Variants in CROT observed in about 807,000 individuals in gnomAD.
CROT encodes the protein carnitine O-octanoyltransferase.
A neutral mutation model predicts 89.2 loss-of-function variants in CROT; 84 were observed. The observed-to-expected ratio is 0.94, with a 90% CI of 0.79 to 1.13. CROT has a LOEUF of 1.13. Among genes scored for constraint, CROT ranks in the 50% most tolerant of loss-of-function variants. The pLI, the probability that CROT is intolerant of heterozygous loss-of-function variation, is 0.00. For synonymous variants in CROT, 212 were observed against 239.5 expected (o/e 0.89, Z 1.06); for missense variants, 711 against 727.8 (o/e 0.98, Z 0.27).
At chr7:87,392,137 A>T (rs1807381666) in intron 14 of CROT, among the ~76,000 whole-genome samples, 1 of 152,158 alleles carries the variant, frequency 6.6e-6, no homozygotes, top group Non-Finnish European at 1.5e-5. Context: ...TTTTTGAAGC[A>T]TTTAGACAAC....
At chr7:87,381,839 G>A in intron 10 of CROT, 71 bp from the exon 11 acceptor site, 1 of 1,058,476 alleles carries the variant, frequency 9.4e-7, no homozygotes, top group South Asian at 1.5e-5. Flanking sequence ...GACACAAAGT[G>A]AAAATAAAAT....
intron 6 of CROT, among the ~76,000 whole-genome samples, chr7:87,365,845 A>G (rs976138045): frequency 6.6e-6 from 1 of 151,994 alleles, no homozygotes; most frequent in Non-Finnish European, 1.5e-5. Context: ...AGCTCAAGCA[A>G]TCTGCCCGCC....
At chr7:87,364,030 G>A (rs906275574) in intron 6 of CROT, among the ~76,000 whole-genome samples, 8 of 152,200 alleles carry the variant, frequency 5.3e-5, no homozygotes, top group Admixed American at 3.9e-4. Context: ...CATGAGGTGG[G>A]AAATATTGGG....
At chr7:87,347,157 T>G (rs1805710084) in intron 2 of CROT, among the ~76,000 whole-genome samples, 1 of 152,224 alleles carries the variant, frequency 6.6e-6, no homozygotes, top group South Asian at 2.1e-4. Flanking sequence ...ACTCAAGTGA[T>G]TAGATTAGTT....
At chr7:87,348,065 T>C (rs189946044) in intron 2 of CROT, among the ~76,000 whole-genome samples, 10 of 152,366 alleles carry the variant, frequency 6.6e-5, no homozygotes, top group Non-Finnish European at 1.3e-4. Context: ...TTCTGTAACC[T>C]ATGAGTGGAA....
intron 7 of CROT, 30 bp from the exon 8 acceptor site, chr7:87,375,602 T>C: frequency 6.5e-7 from 1 of 1,548,452 alleles, no homozygotes; most frequent in African/African-American, 1.4e-5. Flanking sequence ...GCCTGTACTC[T>C]TTTTTAATCT....
At chr7:87,372,844 C>A (rs1279220508) in intron 7 of CROT, among the ~76,000 whole-genome samples, 3 of 152,064 alleles carry the variant, frequency 2.0e-5, no homozygotes, top group Non-Finnish European at 4.4e-5. Context: ...ATTTTATTAA[C>A]TATTCATCAG....
chr7:87,362,303 C>CATTTT (rs1806304282), intron 6 of CROT, among the ~76,000 whole-genome samples: 1 of 142,812 alleles, frequency 7.0e-6, no homozygotes, highest in East Asian at 2.0e-4. Flanking sequence ...AGTCACTCTT[C>CATTTT]CTTTTTTTTT....
At chr7:87,363,938 TATA>T (rs1263855888) in intron 6 of CROT, among the ~76,000 whole-genome samples, 12 of 152,118 alleles carry the variant, frequency 7.9e-5, no homozygotes. Flanking sequence ...GGTTGTAAGA[TATA>T]AGAGAAAAAT....
chr7:87,392,416 T>C lies in CROT; in HGVS notation c.1426-150T>C, dbSNP rs1807391821. 4.6e-6 allele frequency: 3 copies of C among 650,894 alleles called. No individual in the cohort carries two copies. The Admixed American group carries it at 7.6e-5, about 16-fold the overall frequency. 40.3% of individuals were successfully genotyped at this position (650,894 alleles called of 1,614,324 possible). On this transcript the variant is annotated intron_variant, in intron 14 of 17. Coordinates refer to ENST00000331536, the MANE Select transcript of CROT (RefSeq NM_021151.4). Reference sequence around the variant, plus strand: ...GAAGACTAGGCGATAGAATAACTGATGGAAAGATATAGGAGTATGTGTTAT... The same window carrying C: ...GAAGACTAGGCGATAGAATAACTGACGGAAAGATATAGGAGTATGTGTTAT...
intron 12 of CROT, 50 bp downstream of exon 12, chr7:87,382,231 A>G (rs1259911915): frequency 1.3e-6 from 2 of 1,499,984 alleles, no homozygotes. Context: ...TCTTTTAACA[A>G]CCATATGTAA....
chr7:87,395,405 A>T (rs1006079839), intron 17 of CROT, among the ~76,000 whole-genome samples: 1 of 152,192 alleles, frequency 6.6e-6, no homozygotes, highest in South Asian at 2.1e-4. Flanking sequence ...TCTCAGACAC[A>T]CCCAGGATCA....
At chr7:87,384,011 G>C (rs1807112497) in intron 13 of CROT, among the ~76,000 whole-genome samples, 1 of 151,858 alleles carries the variant, frequency 6.6e-6, no homozygotes, top group Admixed American at 6.6e-5. Flanking sequence ...GTTCGCCATA[G>C]TGGCTGTACT....
chr7:87,369,312 A>G, intron 6 of CROT, 64 bp from the exon 7 acceptor site: 1 of 1,014,282 alleles, frequency 9.9e-7, no homozygotes, highest in South Asian at 1.5e-5. Context: ...TCTATTGGAT[A>G]TATGCATCTT....
chr7:87,359,680 C>T (rs1036441817), intron 4 of CROT: 9 of 1,055,924 alleles, frequency 8.5e-6, no homozygotes, highest in Admixed American at 1.1e-4. Context: ...AAATCAGAAA[C>T]ACTAAAATAG....
chr7:87,381,428 A>T (rs1165809969), intron 10 of CROT, among the ~76,000 whole-genome samples: 8 of 152,194 alleles, frequency 5.3e-5, no homozygotes, highest in Non-Finnish European at 8.8e-5. Context: ...TGTATAAAAA[A>T]CACAAAATGG....
In CROT at chr7:87,392,986, T is replaced by A; in HGVS notation, c.1637T>A (p.Val546Asp). Residue 546 changes from valine to aspartate, a missense_variant, in exon 17 of 18, where the codon GTT (valine) becomes GAT (aspartate). Coordinates refer to ENST00000331536, the MANE Select transcript of CROT (RefSeq NM_021151.4). ...GGNFVLSTSL[V>D]GYLRVQGVVV... ...AATTTTGTTCTCTCAACAAGTCTGG[T>A]TGGCTATTTACGAGTCCAGGGAGTG... The A allele has an allele frequency of 6.2e-7, 1 of 1,613,742 alleles. No individual in the cohort carries two copies. Among genetic ancestry groups the A allele is most frequent in the Non-Finnish European group, 8.5e-7 (1 of 1,179,716 alleles).
chr7:87,350,732 A>G (rs1805840100), intron 3 of CROT, among the ~76,000 whole-genome samples: 1 of 152,112 alleles, frequency 6.6e-6, no homozygotes, highest in African/African-American at 2.4e-5. Flanking sequence ...GTCCACTTTG[A>G]TTAGTTAAGA....
chr7:87,386,545 C>G (rs1353463992), intron 13 of CROT, among the ~76,000 whole-genome samples: 2 of 152,096 alleles, frequency 1.3e-5, no homozygotes, highest in Non-Finnish European at 2.9e-5. Context: ...TGAGTCTTTT[C>G]CTTTTTCCTT....
Sources: allele counts gnomAD v4.1 joint callset (sites outside exome capture counted in the v4.1 genomes callset), GRCh38; gene constraint gnomAD v4.1.1; transcripts MANE v1.5; gene names NCBI Gene and HGNC (gene_info 2026-07-23, HGNC 2026-07-21).